Variants in CDH13 observed in about 807,000 individuals in gnomAD.
CDH13 encodes cadherin 13.
Under a neutral mutation model 63.8 loss-of-function variants are expected in CDH13, and 24 were observed. The observed-to-expected ratio is 0.38, with a 90% CI of 0.27 to 0.53. CDH13 has a LOEUF of 0.53. Ranked by LOEUF, CDH13 falls within the 20% of genes least tolerant of loss-of-function variation. CDH13 has a pLI of 0.85. For missense variants in CDH13, 1,049 were observed against 903.1 expected, an observed-to-expected ratio of 1.16 and a Z score of -2.07; for synonymous variants, 503 against 355.3, an observed-to-expected ratio of 1.42 and a Z score of -4.67.
At chr16:83,280,922 C>T (rs117137995) in intron 5 of CDH13, among the ~76,000 whole-genome samples, 3 of 152,284 alleles carry the variant, frequency 2.0e-5, no homozygotes, top group Non-Finnish European at 2.9e-5. Flanking sequence ...TCAAAATATT[C>T]AGTAAACTAT....
chr16:82,873,838 A>G (rs2040420194), intron 2 of CDH13, among the ~76,000 whole-genome samples: 1 of 152,186 alleles, frequency 6.6e-6, no homozygotes, highest in African/African-American at 2.4e-5. Context: ...CTCCTCTGAA[A>G]GAGAGCATAT....
intron 2 of CDH13, among the ~76,000 whole-genome samples, chr16:82,967,664 C>CT (rs1413849008): frequency 6.6e-6 from 1 of 152,156 alleles, no homozygotes; most frequent in Non-Finnish European, 1.5e-5. Context: ...CAGAGACCCC[C>CT]CCAGCCTGCT....
At chr16:83,468,966 C>T (rs556850851) in intron 6 of CDH13, among the ~76,000 whole-genome samples, 2 of 152,264 alleles carry the variant, frequency 1.3e-5, no homozygotes, top group Admixed American at 6.5e-5. Flanking sequence ...TTCTGATTGC[C>T]CACCATTGCT....
At chr16:82,661,332 A>C (rs1911920787) in intron 1 of CDH13, among the ~76,000 whole-genome samples, 1 of 152,212 alleles carries the variant, frequency 6.6e-6, no homozygotes, top group African/African-American at 2.4e-5. Context: ...TGCTTTTCCT[A>C]GGGATGGGGT....
intron 1 of CDH13, among the ~76,000 whole-genome samples, chr16:82,857,596 G>C (rs1334196631): frequency 6.6e-6 from 1 of 152,150 alleles, no homozygotes; most frequent in Admixed American, 6.5e-5. Context: ...AGTGTCTTAA[G>C]CATCTGCAAA....
intron 7 of CDH13, among the ~76,000 whole-genome samples, chr16:83,561,239 G>A (rs1204077431): frequency 1.3e-5 from 2 of 151,818 alleles, no homozygotes; most frequent in African/African-American, 4.8e-5. Context: ...CTGAGGTTGG[G>A]AGTTTGAGAC....
intron 1 of CDH13, among the ~76,000 whole-genome samples, chr16:82,737,414 A>G (rs2033727688): frequency 6.6e-6 from 1 of 152,176 alleles, no homozygotes; most frequent in Non-Finnish European, 1.5e-5. Context: ...CCGTTGTGTG[A>G]TACCACAGCG....
chr16:83,602,107 C>G (rs796400871), intron 7 of CDH13, among the ~76,000 whole-genome samples: 1 of 7,956 alleles, frequency 1.3e-4, no homozygotes, highest in East Asian at 3.8e-3. Context: ...AGAACAACAA[C>G]AAAAAAAAAA....
intron 8 of CDH13, among the ~76,000 whole-genome samples, chr16:83,626,409 T>G (rs1382032000): frequency 6.6e-6 from 1 of 152,130 alleles, no homozygotes; most frequent in Non-Finnish European, 1.5e-5. Flanking sequence ...GCTTAGGATG[T>G]AGTTGGCGCT....
At chr16:83,307,388 A>G (rs774033220) in intron 5 of CDH13, among the ~76,000 whole-genome samples, 3 of 152,186 alleles carry the variant, frequency 2.0e-5, no homozygotes, top group Non-Finnish European at 2.9e-5. Context: ...AGGCAGTGCT[A>G]CCTCACTTCC....
chr16:82,785,060 C>T (rs1054904956), intron 1 of CDH13, among the ~76,000 whole-genome samples: 1 of 152,134 alleles, frequency 6.6e-6, no homozygotes, highest in African/African-American at 2.4e-5. Flanking sequence ...GCATGATCAG[C>T]TGTGCTTGTC....
chr16:82,700,669 C>T (rs1239780000), intron 1 of CDH13, among the ~76,000 whole-genome samples: 1 of 152,078 alleles, frequency 6.6e-6, no homozygotes, highest in African/African-American at 2.4e-5. Flanking sequence ...CAAAAACAGT[C>T]AGAGAAAGCA....
At chr16:83,424,819 A>T (rs1434299096) in intron 6 of CDH13, among the ~76,000 whole-genome samples, 2 of 152,160 alleles carry the variant, frequency 1.3e-5, no homozygotes, top group Non-Finnish European at 2.9e-5. Flanking sequence ...CCCAAGGTTG[A>T]TTAGACAGGT....
intron 1 of CDH13, among the ~76,000 whole-genome samples, chr16:82,642,562 C>A (rs768884220): frequency 1.3e-5 from 2 of 152,184 alleles, no homozygotes; most frequent in South Asian, 4.1e-4. Flanking sequence ...TGACTATATT[C>A]ATTTAAGCCA....
chr16:83,530,841 C>T (rs2075068121), intron 7 of CDH13, among the ~76,000 whole-genome samples: 1 of 152,180 alleles, frequency 6.6e-6, no homozygotes, highest in African/African-American at 2.4e-5. Context: ...AGCCCCTTGG[C>T]AGAGAGGAAC....
intron 7 of CDH13, among the ~76,000 whole-genome samples, chr16:83,554,101 A>G (rs559413270): frequency 5.1e-4 from 78 of 152,372 alleles, no homozygotes; most frequent in African/African-American, 1.7e-3. Context: ...TTAGACCTCA[A>G]TGTAGCAGTG....
intron 1 of CDH13, among the ~76,000 whole-genome samples, chr16:82,706,839 C>T (rs924003816): frequency 1.3e-5 from 2 of 152,016 alleles, no homozygotes; most frequent in African/African-American, 2.4e-5. Flanking sequence ...GTATAGAGGT[C>T]ATTTTTAATG....
intron 4 of CDH13, among the ~76,000 whole-genome samples, chr16:83,189,564 A>G (rs957770712): frequency 1.3e-5 from 2 of 152,216 alleles, no homozygotes; most frequent in African/African-American, 4.8e-5. Context: ...TCCCATAGTC[A>G]GGAAATCCAA....
intron 2 of CDH13, among the ~76,000 whole-genome samples, chr16:82,983,630 G>C (rs551264649): frequency 1.9e-4 from 29 of 152,316 alleles, no homozygotes; most frequent in African/African-American, 7.0e-4. Flanking sequence ...GCTGCTGTGA[G>C]ATGATGTCAC....
Sources: allele counts gnomAD v4.1 joint callset (sites outside exome capture counted in the v4.1 genomes callset), GRCh38; gene constraint gnomAD v4.1.1; transcripts MANE v1.5; gene names NCBI Gene and HGNC (gene_info 2026-07-23, HGNC 2026-07-21).